Variants in DOCK10 observed in about 807,000 individuals in gnomAD.
The protein encoded by DOCK10 is dedicator of cytokinesis protein 10.
DOCK10 carries 145 observed loss-of-function variants against 280.1 expected under a neutral mutation model. The observed-to-expected ratio is 0.52, with a 90% confidence interval of 0.45 to 0.59. The LOEUF is 0.59. Ranked by LOEUF, DOCK10 falls within the 20% of genes least tolerant of loss-of-function variation. The pLI, the probability that DOCK10 is intolerant of heterozygous loss-of-function variation, is 0.00. For missense variants in DOCK10, 2,368 were observed against 2,651.7 expected (o/e 0.89, Z 2.35); for synonymous variants, 915 against 942.2 (o/e 0.97, Z 0.53).
chr2:225,005,552 A>G (rs1373432159), intron 1 of DOCK10, among the ~76,000 whole-genome samples: 1 of 152,224 alleles, frequency 6.6e-6, no homozygotes, highest in East Asian at 1.9e-4. Context: ...ATTTCATTTT[A>G]AACTAAAACT....
At chr2:224,878,881 A>G (rs1698802051) in intron 7 of DOCK10, among the ~76,000 whole-genome samples, 1 of 152,264 alleles carries the variant, frequency 6.6e-6, no homozygotes, top group African/African-American at 2.4e-5. Flanking sequence ...TGCTAAGTGC[A>G]GCGATATAAT....
In DOCK10 at chr2:224,850,002, G is replaced by T. The variant is rs550850684; in HGVS notation, c.2143-403C>A. On this transcript the variant is annotated intron_variant, in intron 18 of 55. Coordinates refer to ENST00000258390, the MANE Select transcript of DOCK10 (RefSeq NM_014689.3). Reference sequence around the variant, plus strand: ...AAAAAATGAGATGCGGGCCAAGCTGGTTAAGACCAACTGTACCCAGCATGG... The same window carrying T: ...AAAAAATGAGATGCGGGCCAAGCTGTTTAAGACCAACTGTACCCAGCATGG... Among the ~76,000 whole-genome samples the T allele has an allele frequency of 2.0e-5, 3 of 152,252 alleles. No individual in the cohort carries two copies. The South Asian group carries it at 6.2e-4, about 32-fold the overall frequency.
intron 52 of DOCK10, 139 bp downstream of exon 52, chr2:224,774,766 G>T: frequency 1.3e-6 from 1 of 763,148 alleles, no homozygotes; most frequent in Non-Finnish European, 2.1e-6. Context: ...ATCTCTTCTT[G>T]GCAAACATTT....
At chr2:224,845,495 C>T (rs370099765) in intron 20 of DOCK10, 24 bp downstream of exon 20, 39 of 1,601,688 alleles carry the variant, frequency 2.4e-5, no homozygotes, top group Non-Finnish European at 2.9e-5. Context: ...TGTGACTCTG[C>T]CTCAGATTTC....
At chr2:224,862,768 A>G (rs774571470) in intron 13 of DOCK10, 22 bp from the exon 14 acceptor site, 2 of 1,486,540 alleles carry the variant, frequency 1.3e-6, no homozygotes, top group Admixed American at 1.8e-5. Context: ...ATAAATACAA[A>G]TATTGTTTAG....
chr2:224,796,189 A>C, intron 44 of DOCK10, 127 bp downstream of exon 44: 1 of 651,966 alleles, frequency 1.5e-6, no homozygotes. Flanking sequence ...TTGGCTTCTC[A>C]AAGTGTTGGG....
At chr2:224,961,454 C>CTTTCTTTCT (rs1559873862) in intron 1 of DOCK10, among the ~76,000 whole-genome samples, 2 of 129,662 alleles carry the variant, frequency 1.5e-5, no homozygotes, top group South Asian at 2.6e-4. Flanking sequence ...TTCTTTCTTT[C>CTTTCTTTCT]TTTCTTTCTT....
intron 1 of DOCK10, chr2:224,946,980 A>G (rs761738347): frequency 1.3e-6 from 2 of 1,531,162 alleles, no homozygotes; most frequent in South Asian, 1.2e-5. Flanking sequence ...GTCACAAAAT[A>G]TTTCAAAATA....
Position 225,042,138 on chromosome 2 carries a change from G to A in DOCK10, c.123+114C>T. ...GCGGCGGGGGAGGGAGTGCGGAGGA[G>A]AGGACCCGTGAGCTGCGGGGACCTG... is the stretch of plus-strand genomic sequence containing the variant. On this transcript the variant is annotated intron_variant, in intron 1 of 55. Transcript: ENST00000258390. The surrounding 1 kb of genome is among the most constrained non-coding windows in gnomAD (Gnocchi z 5.1). 8.8e-7 allele frequency: 1 copy of A among 1,142,808 alleles called. No homozygotes were observed. The highest frequency in any genetic ancestry group is 1.1e-6 in the Non-Finnish European group (1 of 913,720). 70.8% of individuals were successfully genotyped at this position (1,142,808 alleles called of 1,614,324 possible).
rs55894832 is a variant in DOCK10, at chr2:224,959,437, CTTT to C, written c.124-27772_124-27770del. ...CCAAAAAATAAGCCTTTATTATTTTCTTTTTTTTTTTTTTTTTACCTCAAGTAC... is the reference window on the plus strand; with the variant it reads ...CCAAAAAATAAGCCTTTATTATTTTCTTTTTTTTTTTTTTACCTCAAGTAC... On this transcript the variant is annotated intron_variant, in intron 1 of 55. Transcript: ENST00000258390. 3.8e-3 allele frequency among the ~76,000 whole-genome samples: 534 copies of C among 142,298 alleles called. 1 individual carries two copies. Among genetic ancestry groups the C allele is most frequent in the East Asian group, 0.014 (67 of 4,842 alleles). 93.4% of individuals were successfully genotyped at this position (142,298 alleles called of 152,430 possible).
intron 1 of DOCK10, among the ~76,000 whole-genome samples, chr2:225,039,270 C>T (rs1690347732): frequency 6.6e-6 from 1 of 152,154 alleles, no homozygotes; most frequent in African/African-American, 2.4e-5. Context: ...GGCTGAAATT[C>T]TACCCTAGAG....
At chr2:225,001,288 C>A (rs964662425) in intron 1 of DOCK10, among the ~76,000 whole-genome samples, 11 of 121,348 alleles carry the variant, frequency 9.1e-5, no homozygotes, top group Middle Eastern at 4.1e-3. Flanking sequence ...ATACAACAGA[C>A]CTTTTTTTTT....
Position 224,787,342 on chromosome 2 carries a change from C to T in DOCK10, c.5474G>A (p.Arg1825Gln), listed in dbSNP as rs776534973. ...MCVEFLWKSE[R>Q]YELIADVNKP... The stretch of plus-strand genomic sequence containing the variant: ...GTTGACATCAGCAATGAGTTCATAT[C>T]GCTCAGACTTCCAGAGAAACTCCAC... The change falls in exon 49 of 56, where the codon CGA (arginine) becomes CAA (glutamine). Residue 1825 changes from arginine to glutamine, a missense_variant. Around this residue, in one of 2 missense-constraint regions of DOCK10, gnomAD observed 1,159 missense variants for 1,400.8 expected, o/e 0.83. Transcript: ENST00000258390. 25 of 1,613,824 alleles carry T rather than the reference C, an allele frequency of 1.5e-5. No individual in the cohort carries two copies. The highest frequency in any genetic ancestry group is 9.3e-5 in the African/African-American group (7 of 74,918).
chr2:225,036,810 C>T (rs1690272035), intron 1 of DOCK10, among the ~76,000 whole-genome samples: 1 of 152,042 alleles, frequency 6.6e-6, no homozygotes, highest in African/African-American at 2.4e-5. Flanking sequence ...CACCAAGAAG[C>T]ATTTTTAACA....
intron 1 of DOCK10, among the ~76,000 whole-genome samples, chr2:225,029,169 A>AT (rs1046369911): frequency 2.6e-5 from 4 of 151,744 alleles, no homozygotes; most frequent in African/African-American, 7.3e-5. Context: ...ATTTTATTTT[A>AT]TTTATTTATT....
chr2:225,004,740 G>A (rs570291097), intron 1 of DOCK10, among the ~76,000 whole-genome samples: 83 of 152,340 alleles, frequency 5.4e-4, no homozygotes, highest in African/African-American at 1.8e-3. Flanking sequence ...GATGTGAAGA[G>A]TGTGCTGATG....
intron 1 of DOCK10, among the ~76,000 whole-genome samples, chr2:224,999,198 TTATAG>T: frequency 6.6e-6 from 1 of 151,840 alleles, no homozygotes; most frequent in East Asian, 1.9e-4. Context: ...AAGATATCAT[TTATAG>T]TATTGTTTTT....
rs1458071012 is a variant in DOCK10, at chr2:224,864,619, T to A, written c.1536A>T (p.Glu512Asp). 1.9e-6 allele frequency: 3 copies of A among 1,613,596 alleles called. No homozygotes were observed. Residue 512 changes from glutamate to aspartate, a missense_variant, in exon 13 of 56, where the codon GAA (glutamate) becomes GAT (aspartate). Coordinates refer to ENST00000258390, the MANE Select transcript of DOCK10 (RefSeq NM_014689.3). ...HSEIVLVAKI[E>D]KVLMGNIASG... Reference sequence around the variant, plus strand: ...TTGCAATGTTTCCCATCAAGACTTTTTCGATTTTGGCCACCAAAACAATTT... The same window carrying A: ...TTGCAATGTTTCCCATCAAGACTTTATCGATTTTGGCCACCAAAACAATTT...
Position 224,880,821 on chromosome 2 carries a change from T to C in DOCK10, c.748-4600A>G, listed in dbSNP as rs16866268. On this transcript the variant is annotated intron_variant, in intron 7 of 55. Coordinates refer to ENST00000258390, the MANE Select transcript of DOCK10 (RefSeq NM_014689.3). Reference sequence around the variant, plus strand: ...ATCAAATATTTAATTATACCTATTATGTGGCTAGTATCTTGTATAGAATTT... The same window carrying C: ...ATCAAATATTTAATTATACCTATTACGTGGCTAGTATCTTGTATAGAATTT... Among the ~76,000 whole-genome samples, 1,331 of 152,336 alleles carry C rather than the reference T, an allele frequency of 8.7e-3. 16 individuals carry two copies. The highest frequency in any genetic ancestry group is 0.029 in the African/African-American group (1,209 of 41,574).
Sources: gnomAD v4.1 joint callset for allele counts (sites outside exome capture counted in the v4.1 genomes callset) on GRCh38, gnomAD v4.1.1 for gene constraint, gnomAD v4.1.1 regional missense constraint, Gnocchi (gnomAD v3.1) non-coding constraint, MANE v1.5 for transcripts, NCBI Gene and HGNC (gene_info 2026-07-23, HGNC 2026-07-21) for gene names.